Variants in RBFOX1 observed in about 807,000 individuals in gnomAD.
RBFOX1 encodes RNA binding protein fox-1 homolog 1.
RBFOX1 carries 8 observed loss-of-function variants against 57.7 expected under a neutral mutation model. The observed-to-expected ratio is 0.14, with a 90% CI of 0.08 to 0.25. RBFOX1 has a LOEUF of 0.25. Among genes scored for constraint, RBFOX1 ranks in the 10% least tolerant of loss-of-function variants. The pLI is 1.00. For missense variants in RBFOX1, 611 were observed against 548.5 expected, an observed-to-expected ratio of 1.11 and a Z score of -1.14; for synonymous variants, 326 against 222.4, an observed-to-expected ratio of 1.47 and a Z score of -4.15.
intron 4 of RBFOX1, among the ~76,000 whole-genome samples, chr16:7,499,894 A>G (rs1600108853): frequency 6.6e-6 from 1 of 151,952 alleles, no homozygotes; most frequent in South Asian, 2.1e-4. Flanking sequence ...TGCAAAAAAA[A>G]GAAAAAAAAA....
intron 3 of RBFOX1, among the ~76,000 whole-genome samples, chr16:5,763,745 G>A (rs2053670829): frequency 6.6e-6 from 1 of 152,202 alleles, no homozygotes; most frequent in South Asian, 2.1e-4. Flanking sequence ...TAACTCGGTT[G>A]CACTTTAGCC....
intron 2 of RBFOX1, among the ~76,000 whole-genome samples, chr16:6,625,555 T>G (rs1269730100): frequency 6.6e-6 from 1 of 152,212 alleles, no homozygotes; most frequent in East Asian, 1.9e-4. Context: ...CTGTCTGTTA[T>G]TTTTCTCTCT....
At chr16:6,074,419 A>C (rs1422482107) in intron 1 of RBFOX1, among the ~76,000 whole-genome samples, 4 of 152,302 alleles carry the variant, frequency 2.6e-5, no homozygotes, top group South Asian at 4.1e-4. Context: ...TTCAGTCATG[A>C]TCCATCCCTG....
Position 6,053,164 on chromosome 16 carries a change from A to G in RBFOX1, c.-127+33172A>G, listed in dbSNP as rs77545366. On this transcript the variant is annotated intron_variant, in intron 1 of 15. Transcript: ENST00000550418. ...GTGAGGCCTCCGCTATTATTTGCAA[A>G]TTTTTGTGCCATGGATGTAGCAGAA... Among the ~76,000 whole-genome samples the G allele has an allele frequency of 2.5e-3, 380 of 152,206 alleles. 2 individuals carry two copies. The highest frequency in any genetic ancestry group is 8.9e-3 in the African/African-American group (368 of 41,532).
chr16:7,320,141 G>C (rs115625223), intron 4 of RBFOX1, among the ~76,000 whole-genome samples: 6,914 of 152,170 alleles, frequency 0.045, 447 homozygotes, highest in African/African-American at 0.14. Flanking sequence ...AGGTAAACGT[G>C]TGCCATGGTG....
At chr16:6,070,596 G>C (rs1408855181) in intron 1 of RBFOX1, among the ~76,000 whole-genome samples, 4 of 152,092 alleles carry the variant, frequency 2.6e-5, no homozygotes, top group African/African-American at 9.7e-5. Flanking sequence ...GAAGCAGCTG[G>C]CTATGGAGAG....
chr16:6,892,295 C>T (rs141313965), intron 3 of RBFOX1, among the ~76,000 whole-genome samples: 30 of 152,148 alleles, frequency 2.0e-4, no homozygotes, highest in East Asian at 1.9e-3. Context: ...ACTCTTCGAC[C>T]GTAAAGTACT....
At chr16:6,552,228 G>C (rs1375212279) in intron 2 of RBFOX1, among the ~76,000 whole-genome samples, 1 of 152,132 alleles carries the variant, frequency 6.6e-6, no homozygotes, top group African/African-American at 2.4e-5. Context: ...TTAGACCAGT[G>C]AATAGAGTAA....
At chr16:6,371,762 A>C (rs1427946114) in intron 2 of RBFOX1, among the ~76,000 whole-genome samples, 2 of 152,182 alleles carry the variant, frequency 1.3e-5, no homozygotes, top group Admixed American at 6.6e-5. Context: ...ATGCACATAC[A>C]CATGTATATA....
intron 3 of RBFOX1, among the ~76,000 whole-genome samples, chr16:6,714,355 T>C (rs1248345040): frequency 6.6e-6 from 1 of 152,144 alleles, no homozygotes; most frequent in Non-Finnish European, 1.5e-5. Context: ...CTAGTGTTCA[T>C]GGTGGTGGTG....
rs866384854 is a variant in RBFOX1, at chr16:5,988,721, A to G, written c.351+121386A>G. Among the ~76,000 whole-genome samples, 73 of 152,190 alleles carry G rather than the reference A, an allele frequency of 4.8e-4. 2 individuals carry two copies. Among genetic ancestry groups the G allele is most frequent in the Middle Eastern group, 3.2e-3 (1 of 316 alleles). ...ATCCCAGGAAGTGCCTGTCAGGGTG[A>G]CATCTTTGTGGATCAGTAATCTGAG... On this transcript the variant is annotated intron_variant, in intron 4 of 19. Transcript: ENST00000641259.
At chr16:6,593,327 T>A (rs2075984189) in intron 2 of RBFOX1, among the ~76,000 whole-genome samples, 1 of 152,196 alleles carries the variant, frequency 6.6e-6, no homozygotes, top group African/African-American at 2.4e-5. Flanking sequence ...GGTGTTATAA[T>A]CAGTTCAGGC....
intron 3 of RBFOX1, among the ~76,000 whole-genome samples, chr16:6,717,856 C>A (rs1397418496): frequency 6.6e-6 from 1 of 152,016 alleles, no homozygotes; most frequent in East Asian, 1.9e-4. Context: ...CGTGGGATAC[C>A]CCCTGCCTAG....
intron 2 of RBFOX1, among the ~76,000 whole-genome samples, chr16:6,431,897 CTTT>C (rs2094103148): frequency 2.5e-5 from 1 of 40,586 alleles, no homozygotes. Flanking sequence ...TGCTTGCTTG[CTTT>C]CTTTCTTTCT....
At chr16:5,934,418 T>A (rs2059128153) in intron 4 of RBFOX1, among the ~76,000 whole-genome samples, 1 of 152,238 alleles carries the variant, frequency 6.6e-6, no homozygotes, top group Non-Finnish European at 1.5e-5. Context: ...TTTCTAAATC[T>A]ATTACTTTCT....
In RBFOX1 at chr16:7,310,929, A is replaced by G. The variant is rs1446847194; in HGVS notation, c.28-207218A>G. On this transcript the variant is annotated intron_variant, in intron 4 of 15. Coordinates refer to ENST00000550418, the MANE Select transcript of RBFOX1 (RefSeq NM_018723.4). ...TCATCTCTTTGCCATCTTGTGAACCATGCATGCAGTACAACGCTTTGGAAA... is the reference window on the plus strand; with the variant it reads ...TCATCTCTTTGCCATCTTGTGAACCGTGCATGCAGTACAACGCTTTGGAAA... Among the ~76,000 whole-genome samples, 6 of 152,304 alleles carry G rather than the reference A, an allele frequency of 3.9e-5. No homozygotes were observed. The South Asian group carries it at 6.2e-4, about 16-fold the overall frequency.
At chr16:6,132,431 A>C (rs761195859) in intron 1 of RBFOX1, among the ~76,000 whole-genome samples, 1 of 152,208 alleles carries the variant, frequency 6.6e-6, no homozygotes. Flanking sequence ...AGCAGCTTGA[A>C]TTCCTGAGCT....
chr16:6,851,491 C>A (rs2094060170), intron 3 of RBFOX1, among the ~76,000 whole-genome samples: 2 of 152,148 alleles, frequency 1.3e-5, no homozygotes, highest in South Asian at 4.1e-4. Flanking sequence ...CTTCATATAA[C>A]AACTTAGAGT....
intron 3 of RBFOX1, among the ~76,000 whole-genome samples, chr16:6,665,779 C>T (rs1253885676): frequency 6.6e-6 from 1 of 151,980 alleles, no homozygotes; most frequent in Non-Finnish European, 1.5e-5. Flanking sequence ...GTACTTTATG[C>T]ATATTCTATT....
Sources: allele counts gnomAD v4.1 joint callset (sites outside exome capture counted in the v4.1 genomes callset), GRCh38; gene constraint gnomAD v4.1.1; transcripts MANE v1.5; gene names NCBI Gene and HGNC (gene_info 2026-07-23, HGNC 2026-07-21).